The following AGBL3 variants were observed in gnomAD, a reference collection of about 807,000 sequenced individuals.
AGBL3 encodes AGBL carboxypeptidase 3.
In AGBL3, 68 loss-of-function variants were observed where a neutral mutation model predicts 94.5. The observed-to-expected ratio is 0.72, with a 90% CI of 0.59 to 0.88. AGBL3 has a LOEUF of 0.88. Ranked by LOEUF, AGBL3 falls within the 40% of genes least tolerant of loss-of-function variation. The pLI is 0.00. For synonymous variants in AGBL3, 354 were observed against 370.7 expected, an observed-to-expected ratio of 0.95 and a Z score of 0.52; for missense variants, 934 against 1,103.8, an observed-to-expected ratio of 0.85 and a Z score of 2.18.
At chr7:135,111,273 C>A (rs1177233336) in intron 15 of AGBL3, among the ~76,000 whole-genome samples, 1 of 152,210 alleles carries the variant, frequency 6.6e-6, no homozygotes, top group Non-Finnish European at 1.5e-5. Flanking sequence ...CTAATTACTG[C>A]CGTCTTACTC....
intron 5 of AGBL3, among the ~76,000 whole-genome samples, chr7:135,019,403 C>A (rs548309744): frequency 2.6e-5 from 4 of 152,046 alleles, no homozygotes; most frequent in Non-Finnish European, 5.9e-5. Flanking sequence ...TTGCATCCTG[C>A]CTACTTATAA....
intron 5 of AGBL3, among the ~76,000 whole-genome samples, chr7:135,028,873 T>C (rs1815429846): frequency 6.6e-6 from 1 of 152,206 alleles, no homozygotes; most frequent in Non-Finnish European, 1.5e-5. Context: ...GGCTGCAGAA[T>C]GGTTGTTTCG....
intron 5 of AGBL3, among the ~76,000 whole-genome samples, chr7:135,020,239 G>A (rs568826485): frequency 6.6e-6 from 1 of 151,858 alleles, no homozygotes; most frequent in Non-Finnish European, 1.5e-5. Context: ...CCATCAACAA[G>A]TGGGTGAAGG....
intron 15 of AGBL3, among the ~76,000 whole-genome samples, chr7:135,097,362 A>C (rs1823061230): frequency 6.6e-6 from 1 of 152,120 alleles, no homozygotes; most frequent in South Asian, 2.1e-4. Context: ...GCTTTTAGGT[A>C]CTTTGATTTG....
intron 15 of AGBL3, among the ~76,000 whole-genome samples, chr7:135,084,727 C>A (rs1037564559): frequency 6.6e-6 from 1 of 151,934 alleles, no homozygotes; most frequent in Non-Finnish European, 1.5e-5. Flanking sequence ...ACCATATTTT[C>A]TTTATCATTT....
intron 4 of AGBL3, among the ~76,000 whole-genome samples, chr7:135,007,159 T>C (rs982454067): frequency 2.0e-5 from 3 of 151,840 alleles, no homozygotes; most frequent in African/African-American, 7.2e-5. Flanking sequence ...CTTCCAATAA[T>C]AGAAGAGGAA....
At chr7:135,018,958 C>T (rs1336294416) in intron 5 of AGBL3, among the ~76,000 whole-genome samples, 1 of 152,140 alleles carries the variant, frequency 6.6e-6, no homozygotes, top group African/African-American at 2.4e-5. Flanking sequence ...GGAATACTTC[C>T]ATCACCCCAG....
chr7:134,993,888 T>G (rs1218551097), intron 4 of AGBL3, among the ~76,000 whole-genome samples: 1 of 152,246 alleles, frequency 6.6e-6, no homozygotes, highest in African/African-American at 2.4e-5. Context: ...GGATTTTATT[T>G]AACCCAAATA....
rs991172401 is a variant in AGBL3, at chr7:135,050,921, T to C, written c.1841+5010T>C. ...CATTTATACTTAAGGTCATTATTGA[T>C]AGAAGATTTACTATTGCCATTTTGT... On this transcript the variant is annotated intron_variant, in intron 11 of 16. Transcript: ENST00000436302. 6.9e-5 allele frequency: 25 copies of C among 363,488 alleles called. 1 individual carries two copies. The highest frequency in any genetic ancestry group is 5.1e-4 in the Middle Eastern group (1 of 1,980). 22.5% of individuals were successfully genotyped at this position (363,488 alleles called of 1,614,324 possible).
intron 15 of AGBL3, among the ~76,000 whole-genome samples, chr7:135,101,508 C>A (rs1408421175): frequency 6.6e-6 from 1 of 151,692 alleles, no homozygotes. Flanking sequence ...AAAAAAAAAA[C>A]TTAATTGCTG....
At chr7:135,095,562 A>G (rs924328354) in intron 15 of AGBL3, among the ~76,000 whole-genome samples, 18 of 152,326 alleles carry the variant, frequency 1.2e-4, no homozygotes, top group African/African-American at 3.8e-4. Flanking sequence ...CTGTCCTGTG[A>G]CCAACAAAAG....
chr7:135,112,158 C>T (rs925941250), intron 15 of AGBL3, among the ~76,000 whole-genome samples: 2 of 152,176 alleles, frequency 1.3e-5, no homozygotes, highest in African/African-American at 2.4e-5. Context: ...CTAATGCTAC[C>T]GCTAATTCAG....
At chr7:135,017,388 A>ATTAGAATGAAGAGTTATAT (rs1445502931) in intron 5 of AGBL3, among the ~76,000 whole-genome samples, 2 of 152,240 alleles carry the variant, frequency 1.3e-5, no homozygotes, top group Non-Finnish European at 2.9e-5. Context: ...CATGTTGGCC[A>ATTAGAATGAAGAGTTATAT]TTAGAATGAA....
chr7:135,064,733 T>C (rs1048421472), intron 12 of AGBL3, among the ~76,000 whole-genome samples: 1 of 152,226 alleles, frequency 6.6e-6, no homozygotes, highest in Non-Finnish European at 1.5e-5. Context: ...AGGACAATGG[T>C]AAAATAGTTA....
At chr7:135,031,193 C>T (rs778047204) in intron 5 of AGBL3, among the ~76,000 whole-genome samples, 3 of 152,032 alleles carry the variant, frequency 2.0e-5, no homozygotes, top group Non-Finnish European at 4.4e-5. Flanking sequence ...GAATGCTTTA[C>T]GTTTTTATCA....
At chr7:135,096,792 A>AAAGAAAGAAAGG (rs1458228094) in intron 15 of AGBL3, among the ~76,000 whole-genome samples, 2 of 151,854 alleles carry the variant, frequency 1.3e-5, no homozygotes, top group East Asian at 1.9e-4. Context: ...AGAAAGAAAG[A>AAAGAAAGAAAGG]AAAAGGGAAG....
chr7:135,132,517 T>G (rs1350445758), intron 16 of AGBL3, among the ~76,000 whole-genome samples: 1 of 152,208 alleles, frequency 6.6e-6, no homozygotes, highest in African/African-American at 2.4e-5. Context: ...GGGATCTTAC[T>G]CAATAAAGTC....
chr7:135,076,191 C>T (rs771555754), intron 12 of AGBL3, among the ~76,000 whole-genome samples: 2 of 152,156 alleles, frequency 1.3e-5, no homozygotes, highest in Non-Finnish European at 1.5e-5. Context: ...CTCTTCTGGC[C>T]TTGAACTCCC....
Position 135,034,438 on chromosome 7 carries a change from A to G in AGBL3, c.847A>G (p.Thr283Ala), listed in dbSNP as rs1225114377. 6.4e-7 allele frequency: 1 copy of G among 1,551,762 alleles called. No homozygotes were observed. Among genetic ancestry groups the G allele is most frequent in the South Asian group, 1.2e-5 (1 of 84,064 alleles). ...GCGCCATTATTTCTCTCTTACATGGACATTTCAATTTCCACACAACAAAGA... is the reference window on the plus strand; with the variant it reads ...GCGCCATTATTTCTCTCTTACATGGGCATTTCAATTTCCACACAACAAAGA... ...DGRHYFSLTW[T>A]FQFPHNKDTC... The change falls in exon 7 of 17, where the codon ACA (threonine) becomes GCA (alanine). Residue 283 changes from threonine to alanine, a missense_variant. Thr to Ala is a moderately conservative substitution (Grantham distance 58). This residue lies in a region of AGBL3 where 488 missense variants were observed against 563.6 expected (regional missense o/e 0.87). Transcript: ENST00000436302.
Sources: gnomAD v4.1 joint callset for allele counts (sites outside exome capture counted in the v4.1 genomes callset) on GRCh38, gnomAD v4.1.1 for gene constraint, gnomAD v4.1.1 regional missense constraint, MANE v1.5 for transcripts, NCBI Gene and HGNC (gene_info 2026-07-23, HGNC 2026-07-21) for gene names.